The following TMEM106B variants were observed in gnomAD, a reference collection of about 807,000 sequenced individuals.
TMEM106B encodes the protein transmembrane protein 106B.
A neutral mutation model predicts 31.1 loss-of-function variants in TMEM106B; 15 were observed. The observed-to-expected ratio is 0.48, with a 90% CI of 0.32 to 0.74. The LOEUF is 0.74. Among genes scored for constraint, TMEM106B ranks in the 30% least tolerant of loss-of-function variants. The probability of loss-of-function intolerance (pLI) is 0.03; values close to 1 mark genes in which losing one functional copy is unlikely to be tolerated. For missense variants in TMEM106B, 283 were observed against 327.3 expected (o/e 0.86, Z 1.04); for synonymous variants, 126 against 112.5 (o/e 1.12, Z -0.76).
intron 2 of TMEM106B, 123 bp downstream of exon 2, chr7:12,215,150 A>T (rs751299045): frequency 4.2e-6 from 3 of 715,078 alleles, no homozygotes; most frequent in Middle Eastern, 3.7e-4. Context: ...TTGAAACATC[A>T]TATCAGTTAC....
At chr7:12,223,021 A>G (rs1295294006) in intron 3 of TMEM106B, among the ~76,000 whole-genome samples, 1 of 152,216 alleles carries the variant, frequency 6.6e-6, no homozygotes, top group Non-Finnish European at 1.5e-5. Context: ...TTGTCATGCA[A>G]GACTCAAAAA....
At position 12,238,680 on chromosome 7, in the gene TMEM106B, A is replaced by C. The variant is rs1782187035; in HGVS notation, c.*6705A>C. The C allele has an allele frequency of 1.3e-5, 2 of 152,192 alleles. No individual in the cohort carries two copies. The highest frequency in any genetic ancestry group is 6.5e-5 in the Admixed American group (1 of 15,272). 9.4% of individuals were successfully genotyped at this position (152,192 alleles called of 1,614,324 possible). On this transcript the variant is annotated 3_prime_UTR_variant, in exon 8 of 8. Transcript: ENST00000396668. ...ACGTTGTGTTAAGAGGCATGAAAAC[A>C]ACATTAATCTATTTGTACATCATCA... is the stretch of plus-strand genomic sequence containing the variant.
At chr7:12,219,351 G>A (rs1781744956) in intron 3 of TMEM106B, among the ~76,000 whole-genome samples, 1 of 152,140 alleles carries the variant, frequency 6.6e-6, no homozygotes, top group Admixed American at 6.5e-5. Flanking sequence ...CCCTTGAACA[G>A]TGAAGCTAGC....
chr7:12,225,824 A>C (rs1781889785), intron 4 of TMEM106B, among the ~76,000 whole-genome samples: 1 of 152,062 alleles, frequency 6.6e-6, no homozygotes, highest in South Asian at 2.1e-4. Flanking sequence ...CCCTCTGATG[A>C]TAGTTTCTTT....
intron 3 of TMEM106B, among the ~76,000 whole-genome samples, chr7:12,221,721 G>A (rs1430170841): frequency 6.6e-6 from 1 of 152,208 alleles, no homozygotes; most frequent in Non-Finnish European, 1.5e-5. Context: ...AACCCAGGCA[G>A]AGCTCAGTGG....
At chr7:12,223,207 TAAC>T (rs1583453872) in intron 3 of TMEM106B, among the ~76,000 whole-genome samples, 1 of 152,192 alleles carries the variant, frequency 6.6e-6, no homozygotes, top group Non-Finnish European at 1.5e-5. Flanking sequence ...AAAAGAAATG[TAAC>T]AACACCTTCA....
At chr7:12,211,834 C>T (rs543586057) in intron 1 of TMEM106B, among the ~76,000 whole-genome samples, 2 of 152,298 alleles carry the variant, frequency 1.3e-5, no homozygotes, top group South Asian at 4.1e-4. Context: ...GAACTAAAAC[C>T]AGTGTCTACA....
chr7:12,236,480 C>T lies in TMEM106B; in HGVS notation c.*4505C>T, dbSNP rs998943494. ...AAGTCTTAAGTCTTCTAAAAGGAAGCTGTTACCCTTCTGTTTTTAATTACA... is the reference window on the plus strand; with the variant it reads ...AAGTCTTAAGTCTTCTAAAAGGAAGTTGTTACCCTTCTGTTTTTAATTACA... On this transcript the variant is annotated 3_prime_UTR_variant, in exon 8 of 8. Coordinates refer to ENST00000396668, the MANE Select transcript of TMEM106B (RefSeq NM_001134232.2). The T allele has an allele frequency of 6.6e-6, 1 of 151,878 alleles. No individual in the cohort carries two copies. Among genetic ancestry groups the T allele is most frequent in the African/African-American group, 2.4e-5 (1 of 41,384 alleles). 9.4% of individuals were successfully genotyped at this position (151,878 alleles called of 1,614,324 possible).
Position 12,234,670 on chromosome 7 carries a change from T to G in TMEM106B, c.*2695T>G, listed in dbSNP as rs1309672398. 6.6e-6 allele frequency: 1 copy of G among 151,924 alleles called. No individual in the cohort carries two copies. The highest frequency in any genetic ancestry group is 2.4e-5 in the African/African-American group (1 of 41,420). 9.4% of individuals were successfully genotyped at this position (151,924 alleles called of 1,614,324 possible). ...ATCCAGAGGACATGGTAAAGATATG[T>G]TACAGAAATTTTTCTGATACTTCCT... On this transcript the variant is annotated 3_prime_UTR_variant, in exon 8 of 8. Transcript: ENST00000396668.
At chr7:12,226,615 G>A (rs1781906546) in intron 4 of TMEM106B, among the ~76,000 whole-genome samples, 1 of 152,036 alleles carries the variant, frequency 6.6e-6, no homozygotes, top group South Asian at 2.1e-4. Flanking sequence ...TGTGGTGGTG[G>A]TTGGAAAGAG....
At chr7:12,218,239 CTTTT>C (rs11291359) in intron 2 of TMEM106B, among the ~76,000 whole-genome samples, 1 of 133,370 alleles carries the variant, frequency 7.5e-6, no homozygotes. Context: ...ATTTGTTATA[CTTTT>C]TTTTTTTTTT....
chr7:12,230,470 T>G, intron 6 of TMEM106B, 32 bp downstream of exon 6: 1 of 1,369,860 alleles, frequency 7.3e-7, no homozygotes, highest in Non-Finnish European at 1.0e-6. Context: ...CTTTTTATTG[T>G]CAAATAATGA....
chr7:12,218,988 C>G (rs950181265), intron 3 of TMEM106B, among the ~76,000 whole-genome samples: 1 of 151,926 alleles, frequency 6.6e-6, no homozygotes, highest in Non-Finnish European at 1.5e-5. Context: ...AGAGGACACC[C>G]AGCAAATATT....
intron 6 of TMEM106B, 169 bp from the exon 7 acceptor site, chr7:12,230,893 G>A (rs3815535): frequency 0.46 from 220,252 of 483,290 alleles, 53,117 homozygotes; most frequent in African/African-American, 0.66. Flanking sequence ...CATGTTTTTC[G>A]AGTAAGAAGT....
At chr7:12,211,508 A>T (rs1434881830) in intron 1 of TMEM106B, 83 bp downstream of exon 1, 1 of 152,658 alleles carries the variant, frequency 6.6e-6, no homozygotes, top group East Asian at 1.9e-4. Context: ...GCCGGGCCTG[A>T]CAAGGAGGGG....
chr7:12,239,053 G>A lies in TMEM106B; in HGVS notation c.*7078G>A, dbSNP rs1381695797. ...TGGCACCTTTTTGTAAAAGAAGGTT[G>A]TTTTATCTACATTGAAAATATATTG... On this transcript the variant is annotated 3_prime_UTR_variant, in exon 8 of 8. Coordinates refer to ENST00000396668, the MANE Select transcript of TMEM106B (RefSeq NM_001134232.2). The A allele has an allele frequency of 6.6e-6, 1 of 152,126 alleles. No homozygotes were observed. Among genetic ancestry groups the A allele is most frequent in the Non-Finnish European group, 1.5e-5 (1 of 68,012 alleles). 9.4% of individuals were successfully genotyped at this position (152,126 alleles called of 1,614,324 possible).
intron 1 of TMEM106B, among the ~76,000 whole-genome samples, chr7:12,211,760 G>C (rs115327309): frequency 6.6e-6 from 1 of 152,222 alleles, no homozygotes; most frequent in African/African-American, 2.4e-5. Context: ...AGTAGGCTTT[G>C]TGCTAGGTGT....
chr7:12,214,717 C>T lies in TMEM106B; in HGVS notation c.-2-92C>T, dbSNP rs907122087. 7 of 1,077,306 alleles carry T rather than the reference C, an allele frequency of 6.5e-6. No homozygotes were observed. The African/African-American group carries it at 9.6e-5, about 15-fold the overall frequency. The allele number at this position is 1,077,306 out of a possible 1,614,324, so 66.7% of individuals were successfully genotyped here. ...TTTACAGAGTTTGACTGTTCCTTGA[C>T]TGTTCTAAATTAATTAGTGTAAATA... is the stretch of plus-strand genomic sequence containing the variant. On this transcript the variant is annotated intron_variant, in intron 1 of 7. Coordinates refer to ENST00000396668, the MANE Select transcript of TMEM106B (RefSeq NM_001134232.2).
chr7:12,218,455 T>C lies in TMEM106B; in HGVS notation c.218-3T>C, dbSNP rs1470013723. ...TTTCTGAACTTACTTCTTTCACATT[T>C]AGGGCAAGAAAACCAACTGGTGGCA... On this transcript the variant is annotated splice_polypyrimidine_tract_variant and splice_region_variant and intron_variant, in intron 2 of 7. Transcript: ENST00000396668. The C allele has an allele frequency of 2.5e-6, 4 of 1,611,462 alleles. No individual in the cohort carries two copies. The highest frequency in any genetic ancestry group is 3.4e-6 in the Non-Finnish European group (4 of 1,178,454).
Sources: gnomAD v4.1 joint callset for allele counts (sites outside exome capture counted in the v4.1 genomes callset) on GRCh38, gnomAD v4.1.1 for gene constraint, MANE v1.5 for transcripts, NCBI Gene and HGNC (gene_info 2026-07-23, HGNC 2026-07-21) for gene names.